Variants in SYNE2 observed in about 807,000 individuals in gnomAD.
SYNE2 encodes the protein spectrin repeat containing nuclear envelope protein 2, also known as nesprin-2.
Under a neutral mutation model 856.3 loss-of-function variants are expected in SYNE2, and 431 were observed. That is an observed-to-expected ratio of 0.50 (90% confidence interval 0.47 to 0.55). The LOEUF is 0.55. Among genes scored for constraint, SYNE2 ranks in the 20% least tolerant of loss-of-function variants. The probability of loss-of-function intolerance (pLI) is 0.00; values close to 1 mark genes in which losing one functional copy is unlikely to be tolerated. For missense variants in SYNE2, 8,129 were observed against 8,023.2 expected (o/e 1.01, Z -0.50); for synonymous variants, 2,923 against 2,872.3 (o/e 1.02, Z -0.56).
At chr14:63,933,200 C>T (rs946572336) in intron 2 of SYNE2, among the ~76,000 whole-genome samples, 2 of 152,132 alleles carry the variant, frequency 1.3e-5, no homozygotes, top group Admixed American at 1.3e-4. Flanking sequence ...AATCCTGCAT[C>T]GCTCTGCATT....
At chr14:63,942,991 T>C (rs1250168768) in intron 6 of SYNE2, among the ~76,000 whole-genome samples, 2 of 152,212 alleles carry the variant, frequency 1.3e-5, no homozygotes, top group African/African-American at 4.8e-5. Flanking sequence ...GCATTATCCA[T>C]AATATCAGCA....
chr14:63,861,746 CAGT>C (rs1361263661), intron 1 of SYNE2, among the ~76,000 whole-genome samples: 1 of 151,962 alleles, frequency 6.6e-6, no homozygotes, highest in African/African-American at 2.4e-5. Context: ...GTGAGAGACA[CAGT>C]GAGACCCCGA....
intron 63 of SYNE2, chr14:64,100,047 A>G (rs1037865205): frequency 4.6e-5 from 7 of 152,124 alleles, no homozygotes; most frequent in African/African-American, 1.7e-4. Flanking sequence ...TTACTGCGGC[A>G]TTATTCACAA....
In SYNE2 at chr14:63,977,956, A is replaced by G; in HGVS notation, c.1345A>G (p.Asn449Asp). ...TTCGAACATTCTCCTTACCTTTGAA[A>G]ATAAGGATGAAAATCACTTGCCATT... ...HHSNILLTFE[N>D]KDENHLPLVP... Residue 449 changes from asparagine (N) to aspartate (D), a missense_variant, in exon 13 of 116, where the codon AAT (asparagine) becomes GAT (aspartate). Transcript: ENST00000555002. The G allele has an allele frequency of 6.2e-7, 1 of 1,614,046 alleles. No individual in the cohort carries two copies. Among genetic ancestry groups the G allele is most frequent in the Non-Finnish European group, 8.5e-7 (1 of 1,179,922 alleles).
Position 64,053,656 on chromosome 14 carries a change from CA to C in SYNE2, c.9744del (p.Asn3249MetfsTer3). On this transcript the variant is annotated frameshift_variant and splice_region_variant, in exon 48 of 116. Coordinates refer to ENST00000555002, the MANE Select transcript of SYNE2 (RefSeq NM_182914.3). LOFTEE classifies it high-confidence loss of function. Reference sequence around the variant, plus strand: ...CTTAACACAAGCATTGATTTGCGCACAGTAAGTTTTAAAAATTATGCAGTTA... The same window carrying C: ...CTTAACACAAGCATTGATTTGCGCACGTAAGTTTTAAAAATTATGCAGTTA... ...MQLNTSIDLR[T>X]NVLNDAYENL... is the part of the protein sequence containing the mutation. The C allele has an allele frequency of 6.2e-7, 1 of 1,612,296 alleles. No homozygotes were observed.
chr14:64,120,589 C>A (rs1197059300), intron 67 of SYNE2, among the ~76,000 whole-genome samples: 1 of 151,828 alleles, frequency 6.6e-6, no homozygotes, highest in African/African-American at 2.4e-5. Context: ...CATGGTGAAA[C>A]CCCGTCTCCA....
chr14:63,790,189 G>A (rs1447938898), intron 1 of SYNE2, among the ~76,000 whole-genome samples: 2 of 151,958 alleles, frequency 1.3e-5, no homozygotes, highest in African/African-American at 4.8e-5. Context: ...CAAAACAGCT[G>A]GGTATGGTGG....
At chr14:64,179,710 A>AT (rs1023266050) in intron 96 of SYNE2, among the ~76,000 whole-genome samples, 1 of 151,196 alleles carries the variant, frequency 6.6e-6, no homozygotes, top group Non-Finnish European at 1.5e-5. Flanking sequence ...CCTTTTACTG[A>AT]TTTTTTTCCA....
In SYNE2 at chr14:64,052,472, T is replaced by C; in HGVS notation, c.8559T>C (p.Ser2853=). The C allele has an allele frequency of 6.2e-7, 1 of 1,613,548 alleles. No individual in the cohort carries two copies. Among genetic ancestry groups the C allele is most frequent in the Non-Finnish European group, 8.5e-7 (1 of 1,179,710 alleles). Residue 2853 remains serine, a synonymous_variant, in exon 48 of 116, where the codon AGT becomes AGC. Transcript: ENST00000555002. Reference sequence around the variant, plus strand: ...AGTTTCAACTTATGGTTCAAGAAAGTGAAACACTGATAATTCCCAGGGTGG... The same window carrying C: ...AGTTTCAACTTATGGTTCAAGAAAGCGAAACACTGATAATTCCCAGGGTGG... The part of the protein sequence containing the change: ...IRKFQLMVQE[S]ETLIIPRVET...
At chr14:63,847,022 G>A (rs941960136) in intron 1 of SYNE2, among the ~76,000 whole-genome samples, 2 of 150,872 alleles carry the variant, frequency 1.3e-5, no homozygotes, top group South Asian at 2.1e-4. Context: ...AAGTCTTGCC[G>A]TGTTGCCCAG....
chr14:64,141,164 T>G (rs1480019706), intron 80 of SYNE2, among the ~76,000 whole-genome samples, 177 bp from the exon 81 acceptor site: 1 of 152,152 alleles, frequency 6.6e-6, no homozygotes, highest in African/African-American at 2.4e-5. Flanking sequence ...ATTCCATCTC[T>G]TTTGTTCCCC....
chr14:63,802,726 T>C (rs1184966224), intron 1 of SYNE2, among the ~76,000 whole-genome samples: 1 of 152,094 alleles, frequency 6.6e-6, no homozygotes, highest in African/African-American at 2.4e-5. Context: ...CCTTCTGATG[T>C]TCAGATGTGT....
At chr14:64,163,675 C>A in intron 89 of SYNE2, 94 bp downstream of exon 89, 3 of 1,463,100 alleles carry the variant, frequency 2.1e-6, no homozygotes, top group Non-Finnish European at 2.8e-6. Flanking sequence ...GCTTTACGGG[C>A]TGCTCCTTAG....
At chr14:63,831,121 A>C (rs1356638146) in intron 1 of SYNE2, among the ~76,000 whole-genome samples, 1 of 151,954 alleles carries the variant, frequency 6.6e-6, no homozygotes, top group Non-Finnish European at 1.5e-5. Context: ...GGGTTACAGG[A>C]GTGAGCCACA....
intron 1 of SYNE2, among the ~76,000 whole-genome samples, chr14:63,846,977 G>C (rs781072379): frequency 7.9e-5 from 12 of 150,996 alleles, no homozygotes; most frequent in African/African-American, 1.2e-4. Context: ...TTATTATATT[G>C]TTTATTTATT....
rs902277191 is a variant in SYNE2, at chr14:63,802,924, TAAAAGCAGCGTGAACCCAAAGA to T, written c.-305+40939_-305+40960del. ...TCTTCGCGGTGAGTGTTACAGCTCA[TAAAAGCAGCGTGAACCCAAAGA>T]GTGAGCAGTAGGAAGATTTATTGCA... is the stretch of plus-strand genomic sequence containing the variant. On this transcript the variant is annotated intron_variant, in intron 1 of 23. Transcript: ENST00000674003. 7.2e-5 allele frequency among the ~76,000 whole-genome samples: 11 copies of T among 152,252 alleles called. 1 individual carries two copies. Among genetic ancestry groups the T allele is most frequent in the South Asian group, 2.1e-4 (1 of 4,820 alleles).
In SYNE2 at chr14:64,091,115, C is replaced by T. The variant is rs181062288; in HGVS notation, c.11976+67C>T. ...GTTCACCAAAAGCTGGTTTGGTTTT[C>T]ACTTCTAATTGAAATTCATTATTAT... On this transcript the variant is annotated intron_variant, in intron 60 of 115. Transcript: ENST00000555002. 1.3e-5 allele frequency: 19 copies of T among 1,438,686 alleles called. No individual in the cohort carries two copies. The African/African-American group carries it at 2.1e-4, about 16-fold the overall frequency. 89.1% of individuals were successfully genotyped at this position (1,438,686 alleles called of 1,614,324 possible).
chr14:63,931,368 G>C (rs2095751951), intron 2 of SYNE2, among the ~76,000 whole-genome samples: 1 of 151,878 alleles, frequency 6.6e-6, no homozygotes, highest in African/African-American at 2.4e-5. Context: ...TGGCCAACAT[G>C]GTGAAACCCC....
At chr14:64,180,735 C>T (rs2098454118) in intron 96 of SYNE2, among the ~76,000 whole-genome samples, 1 of 152,178 alleles carries the variant, frequency 6.6e-6, no homozygotes, top group Admixed American at 6.5e-5. Flanking sequence ...AACTCCCAAC[C>T]TCAGGTGATC....
Sources: allele counts gnomAD v4.1 joint callset (sites outside exome capture counted in the v4.1 genomes callset), GRCh38; gene constraint gnomAD v4.1.1; transcripts MANE v1.5; gene names NCBI Gene and HGNC (gene_info 2026-07-23, HGNC 2026-07-21).